Variants in ARHGEF37 observed in about 807,000 individuals in gnomAD.
The protein encoded by ARHGEF37 is Rho guanine nucleotide exchange factor (GEF) 37.
Under a neutral mutation model 71.1 loss-of-function variants are expected in ARHGEF37, and 55 were observed. That is an observed-to-expected ratio of 0.77 (90% confidence interval 0.62 to 0.97). ARHGEF37 has a LOEUF of 0.97. Among genes scored for constraint, ARHGEF37 ranks in the 50% least tolerant of loss-of-function variants. The pLI is 0.00. For synonymous variants in ARHGEF37, 327 were observed against 350.6 expected, an observed-to-expected ratio of 0.93 and a Z score of 0.75; for missense variants, 765 against 836.8, an observed-to-expected ratio of 0.91 and a Z score of 1.06.
chr5:149,626,772 C>G (rs9324623), intron 10 of ARHGEF37: 143,898 of 234,490 alleles, frequency 0.61, 44,685 homozygotes, highest in Middle Eastern at 0.75. Context: ...GGATAACTTA[C>G]CCTGACGGTA....
chr5:149,561,559 C>G (rs1762830709), intron 1 of ARHGEF37, among the ~76,000 whole-genome samples: 4 of 152,138 alleles, frequency 2.6e-5, no homozygotes, highest in Admixed American at 2.6e-4. Flanking sequence ...TATGTCCTGA[C>G]AGGGAGGAAA....
At chr5:149,605,471 C>T (rs1219168451) in intron 3 of ARHGEF37, among the ~76,000 whole-genome samples, 1 of 152,128 alleles carries the variant, frequency 6.6e-6, no homozygotes. Context: ...GACAGCACAT[C>T]GCATTTGGGG....
chr5:149,570,390 A>G (rs555125723), intron 1 of ARHGEF37, among the ~76,000 whole-genome samples: 47 of 151,594 alleles, frequency 3.1e-4, no homozygotes, highest in Admixed American at 6.6e-4. Flanking sequence ...GCTGACCAAC[A>G]TGGTGAAACC....
intron 9 of ARHGEF37, among the ~76,000 whole-genome samples, chr5:149,622,919 TC>T (rs1752585930): frequency 1.3e-5 from 2 of 152,304 alleles, no homozygotes; most frequent in South Asian, 4.1e-4. Flanking sequence ...ACACACTGTT[TC>T]CTGTGTGTCA....
intron 1 of ARHGEF37, among the ~76,000 whole-genome samples, chr5:149,595,912 A>G (rs1763531478): frequency 6.6e-6 from 1 of 150,988 alleles, no homozygotes; most frequent in Admixed American, 6.6e-5. Context: ...GCCAGGATGA[A>G]CTGTCTTTGT....
At chr5:149,580,060 T>C (rs902282521), upstream of ARHGEF37, among the ~76,000 whole-genome samples, 3 of 152,016 alleles carry the variant, frequency 2.0e-5, no homozygotes, top group African/African-American at 7.3e-5. Context: ...TGCTTTTCTT[T>C]TTTCTTTCTT....
At chr5:149,599,035 C>G (rs888640413) in intron 2 of ARHGEF37, among the ~76,000 whole-genome samples, 8 of 152,172 alleles carry the variant, frequency 5.3e-5, no homozygotes, top group African/African-American at 1.9e-4. Flanking sequence ...CCTTCTCCCT[C>G]TAAGGAAGGT....
intron 1 of ARHGEF37, among the ~76,000 whole-genome samples, chr5:149,553,780 A>G (rs1762716353): frequency 6.6e-6 from 1 of 152,190 alleles, no homozygotes; most frequent in Admixed American, 6.6e-5. Flanking sequence ...TTTCATTCTG[A>G]GATTTAGTCT....
chr5:149,562,047 A>G (rs1293105067), intron 1 of ARHGEF37, among the ~76,000 whole-genome samples: 2 of 152,170 alleles, frequency 1.3e-5, no homozygotes, highest in Non-Finnish European at 2.9e-5. Context: ...AGCTGGTCCT[A>G]AGAACACATC....
intron 9 of ARHGEF37, among the ~76,000 whole-genome samples, chr5:149,622,401 G>A (rs1356690799): frequency 1.3e-5 from 2 of 152,128 alleles, no homozygotes; most frequent in East Asian, 1.9e-4. Flanking sequence ...ACAGAAGGTC[G>A]TTTCTACACA....
chr5:149,618,078 C>A, intron 5 of ARHGEF37, 98 bp from the exon 6 acceptor site: 4 of 1,516,852 alleles, frequency 2.6e-6, no homozygotes, highest in Non-Finnish European at 3.6e-6. Flanking sequence ...CCTGATGGAG[C>A]AGAGGGCCCA....
In ARHGEF37 at chr5:149,633,410, G is replaced by C. The variant is rs1419381456; in HGVS notation, c.*1219G>C. The C allele has an allele frequency of 6.6e-6, 1 of 152,218 alleles. No homozygotes were observed. The highest frequency in any genetic ancestry group is 1.5e-5 in the Non-Finnish European group (1 of 68,046). The allele number at this position is 152,218 out of a possible 1,614,324, so 9.4% of individuals were successfully genotyped here. ...CTACCTTGGGGGGCTTCTCAATACTGCATTCTATGTAGCCAGCCTCTTTAA... is the reference window on the plus strand; with the variant it reads ...CTACCTTGGGGGGCTTCTCAATACTCCATTCTATGTAGCCAGCCTCTTTAA... On this transcript the variant is annotated 3_prime_UTR_variant, in exon 13 of 13. Coordinates refer to ENST00000333677, the MANE Select transcript of ARHGEF37 (RefSeq NM_001001669.3).
intron 7 of ARHGEF37, among the ~76,000 whole-genome samples, chr5:149,619,491 T>C (rs1408063354): frequency 1.3e-5 from 2 of 152,196 alleles, no homozygotes; most frequent in African/African-American, 2.4e-5. Context: ...TTTGAAGGGC[T>C]GAATGAATGA....
rs774770878 is a variant in ARHGEF37 at position 149,621,889 on chromosome 5, G to C, written c.1162G>C (p.Glu388Gln). The C allele has an allele frequency of 1.2e-6, 2 of 1,614,134 alleles. No homozygotes were observed. The highest frequency in any genetic ancestry group is 2.7e-5 in the African/African-American group (2 of 74,944). Reference protein sequence around the residue: ...LLEVGSVTYQEEAARHTYQAL... With the variant: ...LLEVGSVTYQQEAARHTYQAL... ...GGAGGTGGGCAGTGTGACCTACCAG[G>C]AGGAGGCCGCCCGGCACACATACCA... The change falls in exon 9 of 13, where the codon GAG becomes CAG. Residue 388 changes from glutamate to glutamine, a missense_variant. By Grantham distance (29) the Glu-to-Gln change is conservative (BLOSUM62 2). This residue lies in a region of ARHGEF37 where 390 missense variants were observed against 407.4 expected (regional missense o/e 0.96). Coordinates refer to ENST00000333677, the MANE Select transcript of ARHGEF37 (RefSeq NM_001001669.3).
At chr5:149,614,329 T>C (rs966008685) in intron 4 of ARHGEF37, among the ~76,000 whole-genome samples, 2 of 152,238 alleles carry the variant, frequency 1.3e-5, no homozygotes, top group Non-Finnish European at 1.5e-5. Flanking sequence ...ATCTTGCCAG[T>C]TGATACTCCC....
chr5:149,626,906 C>A, intron 10 of ARHGEF37, 170 bp from the exon 11 acceptor site: 1 of 516,810 alleles, frequency 1.9e-6, no homozygotes, highest in Non-Finnish European at 3.3e-6. Context: ...CTGCTAAGAG[C>A]CAGCCATCTG....
intron 10 of ARHGEF37, among the ~76,000 whole-genome samples, chr5:149,625,848 C>T (rs1461038261): frequency 4.6e-5 from 7 of 151,938 alleles, no homozygotes; most frequent in East Asian, 3.9e-4. Context: ...GTGGTCTCCC[C>T]GGACAGAAGC....
At chr5:149,573,488 A>T (rs1762994048) in intron 1 of ARHGEF37, among the ~76,000 whole-genome samples, 1 of 152,218 alleles carries the variant, frequency 6.6e-6, no homozygotes, top group Non-Finnish European at 1.5e-5. Flanking sequence ...TTTCTTGACC[A>T]AATTATTTAA....
intron 5 of ARHGEF37, among the ~76,000 whole-genome samples, chr5:149,617,073 T>C (rs1379850443): frequency 6.6e-6 from 1 of 152,058 alleles, no homozygotes; most frequent in Non-Finnish European, 1.5e-5. Context: ...CAGGGTTTTT[T>C]CCCCCTTAGC....
Sources: gnomAD v4.1 joint callset for allele counts (sites outside exome capture counted in the v4.1 genomes callset) on GRCh38, gnomAD v4.1.1 for gene constraint, gnomAD v4.1.1 regional missense constraint, MANE v1.5 for transcripts, NCBI Gene and HGNC (gene_info 2026-07-23, HGNC 2026-07-21) for gene names.